The following CTBP2 variants were observed in gnomAD, a reference collection of about 807,000 sequenced individuals.
The protein encoded by CTBP2 is C-terminal binding protein 2, also known as C-terminal-binding protein 2.
A neutral mutation model predicts 80.3 loss-of-function variants in CTBP2; 30 were observed. The observed-to-expected ratio is 0.37, with a 90% CI of 0.28 to 0.51. The LOEUF is 0.51. Among genes scored for constraint, CTBP2 ranks in the 20% least tolerant of loss-of-function variants. The pLI is 0.93. For missense variants in CTBP2, 1,212 were observed against 1,375.3 expected (o/e 0.88, Z 1.88); for synonymous variants, 594 against 587.4 (o/e 1.01, Z -0.16).
At position 124,994,663 on chromosome 10, in the gene CTBP2, C is replaced by T; in HGVS notation, c.2206G>A (p.Ala736Thr). The T allele has an allele frequency of 6.2e-7, 1 of 1,613,948 alleles. No homozygotes were observed. Among genetic ancestry groups the T allele is most frequent in the East Asian group, 2.2e-5 (1 of 44,874 alleles). ...AATCCAAAGGCCTTGGCTCGAACTG[C>T]AACCGCCTGCCCCGTGCGACCTGTA... is the stretch of plus-strand genomic sequence containing the variant. The change falls in exon 5 of 9, where the codon GCA becomes ACA. Residue 736 changes from alanine to threonine, a missense_variant. Physicochemically the swap from Ala to Thr is moderately conservative, Grantham distance 58. Transcript: ENST00000309035.
chr10:125,065,802 G>GA (rs1844528740), intron 2 of CTBP2, among the ~76,000 whole-genome samples: 1 of 152,136 alleles, frequency 6.6e-6, no homozygotes, highest in African/African-American at 2.4e-5. Flanking sequence ...CAGTCTATCA[G>GA]AAAAATGCCA....
intron 1 of CTBP2, among the ~76,000 whole-genome samples, chr10:125,131,942 A>C (rs1285969608): frequency 2.0e-5 from 3 of 152,182 alleles, no homozygotes; most frequent in African/African-American, 7.2e-5. Context: ...GTGGAAGGGA[A>C]GCAGGGCCCT....
intron 2 of CTBP2, among the ~76,000 whole-genome samples, chr10:125,078,380 T>C (rs547762572): frequency 6.6e-6 from 1 of 151,826 alleles, no homozygotes; most frequent in African/African-American, 2.4e-5. Flanking sequence ...TAGGCGAAGA[T>C]AGGTCCAAGA....
rs2134722691 is a variant in CTBP2, at chr10:125,027,893, T to C, written c.-134A>G. The C allele has an allele frequency of 7.0e-7, 1 of 1,426,782 alleles. No homozygotes were observed. Among genetic ancestry groups the C allele is most frequent in the East Asian group, 2.5e-5 (1 of 39,798 alleles). The allele number at this position is 1,426,782 out of a possible 1,614,324, so 88.4% of individuals were successfully genotyped here. ...CAGGGACAACCAACTGGGGGTTTTC[T>C]GTTTCAAAGCATGGCCTGAATTATT... On this transcript the variant is annotated 5_prime_UTR_variant, in exon 1 of 9. Transcript: ENST00000309035.
chr10:125,128,250 T>TG (rs1411513297), intron 1 of CTBP2, among the ~76,000 whole-genome samples: 1 of 152,196 alleles, frequency 6.6e-6, no homozygotes, highest in African/African-American at 2.4e-5. Context: ...AGTCCACTTC[T>TG]GTCAGTCATG....
At chr10:124,995,580 C>A (rs1478977883) in intron 4 of CTBP2, among the ~76,000 whole-genome samples, 1 of 152,186 alleles carries the variant, frequency 6.6e-6, no homozygotes, top group African/African-American at 2.4e-5. Context: ...TCCAGGGGTA[C>A]CTCAATGCTG....
intron 1 of CTBP2, among the ~76,000 whole-genome samples, chr10:125,120,309 G>A (rs1854103265): frequency 6.6e-6 from 1 of 152,220 alleles, no homozygotes; most frequent in South Asian, 2.1e-4. Context: ...AACAAATGAA[G>A]TGAGAACCAA....
At chr10:125,073,858 G>C (rs1845888681) in intron 2 of CTBP2, among the ~76,000 whole-genome samples, 2 of 152,226 alleles carry the variant, frequency 1.3e-5, no homozygotes, top group African/African-American at 4.8e-5. Flanking sequence ...CTCCCAATCA[G>C]GGTCTGGTGC....
chr10:125,132,858 C>T (rs1158390757), intron 1 of CTBP2, among the ~76,000 whole-genome samples: 1 of 152,158 alleles, frequency 6.6e-6, no homozygotes, highest in East Asian at 1.9e-4. Context: ...TCACATCATC[C>T]TAATGAATTT....
At chr10:125,043,757 C>A (rs1225933130) in intron 2 of CTBP2, among the ~76,000 whole-genome samples, 1 of 152,166 alleles carries the variant, frequency 6.6e-6, no homozygotes, top group Non-Finnish European at 1.5e-5. Context: ...TTTCTTGACT[C>A]CACTTCCTAG....
chr10:124,993,460 G>A, intron 6 of CTBP2, 131 bp from the exon 9 acceptor site: 1 of 1,062,690 alleles, frequency 9.4e-7, no homozygotes, highest in Non-Finnish European at 1.3e-6. Flanking sequence ...GAACATCTGT[G>A]ATGATATTTT....
chr10:124,992,460 C>A (rs1177360094), intron 8 of CTBP2, among the ~76,000 whole-genome samples: 1 of 152,112 alleles, frequency 6.6e-6, no homozygotes, highest in African/African-American at 2.4e-5. Context: ...CACCTGTGGT[C>A]AATCACATCT....
chr10:125,157,328 GT>G (rs1861098639), intron 1 of CTBP2, among the ~76,000 whole-genome samples: 1 of 148,634 alleles, frequency 6.7e-6, no homozygotes, highest in Admixed American at 6.8e-5. Context: ...AACTCACAGG[GT>G]TCTGCATTCA....
At chr10:125,049,406 G>A (rs1962167030) in intron 2 of CTBP2, among the ~76,000 whole-genome samples, 1 of 152,194 alleles carries the variant, frequency 6.6e-6, no homozygotes, top group Non-Finnish European at 1.5e-5. Flanking sequence ...CCCCACACAC[G>A]TGCGGATCCT....
chr10:125,161,645 G>T (rs1861902941), upstream of CTBP2, among the ~76,000 whole-genome samples: 1 of 152,150 alleles, frequency 6.6e-6, no homozygotes, highest in Non-Finnish European at 1.5e-5. Flanking sequence ...GGTGCGCAGG[G>T]AAGGGCCCTC....
chr10:124,990,781 C>CA (rs1952503913), intron 8 of CTBP2, among the ~76,000 whole-genome samples: 1 of 151,584 alleles, frequency 6.6e-6, no homozygotes, highest in Middle Eastern at 3.4e-3. Flanking sequence ...AGTGCCTTTA[C>CA]ACAAGGGAGT....
chr10:125,022,063 G>A lies in CTBP2; in HGVS notation c.1678+4019C>T, dbSNP rs548577854. On this transcript the variant is annotated intron_variant, in intron 1 of 8. Transcript: ENST00000309035. ...CAGGGAGTCTCAAAACACCAGTCAG[G>A]CCCTTAGCTGCCCTTGCACACGACA... Among the ~76,000 whole-genome samples the A allele has an allele frequency of 8.3e-4, 126 of 152,360 alleles. 1 individual carries two copies. Among genetic ancestry groups the A allele is most frequent in the Admixed American group, 2.5e-3 (39 of 15,302 alleles).
chr10:125,116,033 G>A (rs1564955656), intron 1 of CTBP2, among the ~76,000 whole-genome samples: 3 of 152,032 alleles, frequency 2.0e-5, no homozygotes, highest in Admixed American at 6.6e-5. Flanking sequence ...CTTTCAACAG[G>A]GATTTCCTGA....
chr10:125,137,392 T>TCTGTCCTCA (rs1207984764), intron 1 of CTBP2, among the ~76,000 whole-genome samples: 1 of 152,194 alleles, frequency 6.6e-6, no homozygotes, highest in Non-Finnish European at 1.5e-5. Context: ...TCCCAGCTCC[T>TCTGTCCTCA]CTGTCCTCAC....
Sources: allele counts gnomAD v4.1 joint callset (sites outside exome capture counted in the v4.1 genomes callset), GRCh38; gene constraint gnomAD v4.1.1; transcripts MANE v1.5; gene names NCBI Gene and HGNC (gene_info 2026-07-23, HGNC 2026-07-21).